KCNMA1: variants seen among roughly 807,000 people sequenced by gnomAD.
The protein encoded by KCNMA1 is potassium calcium-activated channel subfamily M alpha 1.
In KCNMA1, 29 loss-of-function variants were observed where a neutral mutation model predicts 140.0. That is an observed-to-expected ratio of 0.21 (90% CI 0.15 to 0.28). The LOEUF (loss-of-function observed/expected upper bound fraction) is 0.28, where lower values mean the gene tolerates loss of function less well. Ranked by LOEUF, KCNMA1 falls within the 10% of genes least tolerant of loss-of-function variation. The probability of loss-of-function intolerance (pLI) is 1.00; values close to 1 mark genes in which losing one functional copy is unlikely to be tolerated. For synonymous variants in KCNMA1, 612 were observed against 611.9 expected (o/e 1.00, Z 0.00); for missense variants, 880 against 1,602.2 (o/e 0.55, Z 7.70).
chr10:76,898,195 T>C (rs905629300), intron 25 of KCNMA1, among the ~76,000 whole-genome samples: 2 of 151,782 alleles, frequency 1.3e-5, no homozygotes, highest in South Asian at 4.1e-4. Flanking sequence ...TCTGATATCT[T>C]TAAAAGAGAA....
intron 2 of KCNMA1, among the ~76,000 whole-genome samples, chr10:77,339,805 T>A (rs535327393): frequency 1.3e-5 from 2 of 152,378 alleles, no homozygotes; most frequent in East Asian, 3.9e-4. Flanking sequence ...CAGGGGAAGA[T>A]GTCTGATAAA....
At chr10:77,107,061 G>A (rs1336283044) in intron 9 of KCNMA1, among the ~76,000 whole-genome samples, 2 of 152,248 alleles carry the variant, frequency 1.3e-5, no homozygotes, top group East Asian at 3.9e-4. Flanking sequence ...GCAGAGGCCT[G>A]GACACCTGAG....
chr10:77,013,319 G>A (rs2091278447), intron 17 of KCNMA1, among the ~76,000 whole-genome samples: 1 of 152,076 alleles, frequency 6.6e-6, no homozygotes, highest in Non-Finnish European at 1.5e-5. Flanking sequence ...ATTCCATGCT[G>A]GGATTCAGCC....
At chr10:76,875,001 C>G (rs1224845091), downstream of KCNMA1, 1 of 152,102 alleles carries the variant, frequency 6.6e-6, no homozygotes, top group African/African-American at 2.4e-5. Flanking sequence ...TACCAAAGAC[C>G]CTCCTTGGTC....
Position 77,413,989 on chromosome 10 carries a change from TG to T in KCNMA1, c.379-9967del, listed in dbSNP as rs1352741540. Among the ~76,000 whole-genome samples the T allele has an allele frequency of 2.6e-5, 4 of 152,348 alleles. No individual in the cohort carries two copies. In the East Asian group the frequency reaches 7.7e-4, roughly 29 times the overall value. ...TGAGGCATTTTTAGCCATTGCTTTC[TG>T]GGTGCCCTGTCCAGATTCTCACTCT... On this transcript the variant is annotated intron_variant, in intron 1 of 27. Transcript: ENST00000286628.
intron 1 of KCNMA1, among the ~76,000 whole-genome samples, chr10:77,454,282 G>A (rs1032860605): frequency 2.6e-5 from 4 of 152,200 alleles, no homozygotes; most frequent in African/African-American, 7.2e-5. Context: ...GAGCCCCTCT[G>A]GTCCTAGAAA....
intron 18 of KCNMA1, among the ~76,000 whole-genome samples, chr10:77,010,859 C>T (rs1028240802): frequency 6.6e-6 from 1 of 151,850 alleles, no homozygotes; most frequent in East Asian, 2.0e-4. Flanking sequence ...ATTGTTCTTA[C>T]TCATCAGACC....
intron 12 of KCNMA1, 118 bp from the exon 13 acceptor site, chr10:77,079,668 T>C (rs2096512536): frequency 1.3e-6 from 1 of 753,136 alleles, no homozygotes; most frequent in Admixed American, 1.9e-5. Context: ...GAGGCAGGAC[T>C]TGATTCCAGA....
intron 2 of KCNMA1, among the ~76,000 whole-genome samples, chr10:77,305,541 G>A (rs1446811323): frequency 6.6e-6 from 1 of 152,134 alleles, no homozygotes; most frequent in Non-Finnish European, 1.5e-5. Flanking sequence ...TTCTCAGAGG[G>A]GAGCTCTCTC....
intron 1 of KCNMA1, among the ~76,000 whole-genome samples, chr10:77,526,592 G>A (rs1016826046): frequency 2.0e-5 from 3 of 152,196 alleles, no homozygotes; most frequent in Non-Finnish European, 2.9e-5. Context: ...AAATGGCACT[G>A]ACTTGCCCTT....
At chr10:76,889,403 A>C (rs1389881822) in intron 27 of KCNMA1, 48 bp downstream of exon 27, 1 of 1,215,882 alleles carries the variant, frequency 8.2e-7, no homozygotes, top group East Asian at 2.3e-5. Flanking sequence ...AAAGGATATT[A>C]ATATTTCTGT....
chr10:77,210,255 T>C lies in KCNMA1; in HGVS notation c.603-25339A>G, dbSNP rs546656710. On this transcript the variant is annotated intron_variant, in intron 3 of 27. Coordinates refer to ENST00000286628, the MANE Select transcript of KCNMA1 (RefSeq NM_001161352.2). ...CTTTATCCCTGGGATGCAAGGTTGG[T>C]TCAGTATATGCAAATCAATAAATGC... 1.3e-4 allele frequency among the ~76,000 whole-genome samples: 20 copies of C among 152,294 alleles called. No individual in the cohort carries two copies. In the South Asian group the frequency reaches 4.1e-3, roughly 32 times the overall value.
At chr10:77,277,330 A>C (rs2066956163) in intron 2 of KCNMA1, among the ~76,000 whole-genome samples, 2 of 152,322 alleles carry the variant, frequency 1.3e-5, no homozygotes, top group South Asian at 4.1e-4. Context: ...AACTAATGCA[A>C]AATGCAGAGG....
At chr10:77,454,852 C>T (rs2097730678) in intron 1 of KCNMA1, among the ~76,000 whole-genome samples, 2 of 152,222 alleles carry the variant, frequency 1.3e-5, no homozygotes, top group African/African-American at 2.4e-5. Context: ...CAAAAATGGG[C>T]CCAAGTATCC....
chr10:77,269,449 A>C (rs901198418), intron 2 of KCNMA1, among the ~76,000 whole-genome samples: 3 of 152,196 alleles, frequency 2.0e-5, no homozygotes, highest in Non-Finnish European at 4.4e-5. Context: ...ACTTTGAGAA[A>C]GTTCATTTCA....
chr10:77,193,306 T>G (rs1017920023), intron 3 of KCNMA1, among the ~76,000 whole-genome samples: 3 of 152,220 alleles, frequency 2.0e-5, no homozygotes, highest in Non-Finnish European at 2.9e-5. Context: ...GAATTAGTGT[T>G]CATATTTGCC....
intron 3 of KCNMA1, among the ~76,000 whole-genome samples, chr10:77,215,364 CA>C (rs1425596276): frequency 8.0e-6 from 1 of 125,602 alleles, no homozygotes; most frequent in East Asian, 2.0e-4. Context: ...TTACAGATTG[CA>C]CCTGTTTTGT....
At chr10:76,946,766 G>T (rs1005134288) in intron 22 of KCNMA1, among the ~76,000 whole-genome samples, 1 of 152,250 alleles carries the variant, frequency 6.6e-6, no homozygotes, top group South Asian at 2.1e-4. Context: ...GAAGCCAGCC[G>T]TAATTGTGAT....
intron 1 of KCNMA1, among the ~76,000 whole-genome samples, chr10:77,530,652 CA>C (rs2057376661): frequency 6.6e-6 from 1 of 152,160 alleles, no homozygotes; most frequent in African/African-American, 2.4e-5. Flanking sequence ...TGTACCAGGA[CA>C]GACACAAAGA....
Sources: allele counts gnomAD v4.1 joint callset (sites outside exome capture counted in the v4.1 genomes callset), GRCh38; gene constraint gnomAD v4.1.1; transcripts MANE v1.5; gene names NCBI Gene and HGNC (gene_info 2026-07-23, HGNC 2026-07-21).